The following ARMH3 variants were observed in gnomAD, a reference collection of about 807,000 sequenced individuals.
The protein encoded by ARMH3 is armadillo-like helical domain-containing protein 3.
A neutral mutation model predicts 99.1 loss-of-function variants in ARMH3; 60 were observed. That is an observed-to-expected ratio of 0.61 (90% confidence interval 0.49 to 0.75). The LOEUF is 0.75. Ranked by LOEUF, ARMH3 falls within the 30% of genes least tolerant of loss-of-function variation. The pLI, the probability that ARMH3 is intolerant of heterozygous loss-of-function variation, is 0.00. For missense variants in ARMH3, 679 were observed against 843.1 expected, an observed-to-expected ratio of 0.81 and a Z score of 2.41; for synonymous variants, 285 against 292.8, an observed-to-expected ratio of 0.97 and a Z score of 0.27.
intron 23 of ARMH3, among the ~76,000 whole-genome samples, chr10:101,931,529 A>G (rs1590041896): frequency 6.6e-6 from 1 of 152,118 alleles, no homozygotes. Flanking sequence ...GTCACAAAAA[A>G]AAAAAGCAGT....
intron 6 of ARMH3, among the ~76,000 whole-genome samples, chr10:102,024,746 G>A (rs566503102): frequency 1.3e-5 from 2 of 151,676 alleles, no homozygotes; most frequent in East Asian, 1.9e-4. Flanking sequence ...TTGAACCCAG[G>A]AGGCAGACGT....
chr10:101,994,528 G>C (rs1846965588), intron 16 of ARMH3, among the ~76,000 whole-genome samples: 1 of 152,192 alleles, frequency 6.6e-6, no homozygotes, highest in South Asian at 2.1e-4. Flanking sequence ...CTCAAGTTCT[G>C]CCATGCCTGT....
intron 23 of ARMH3, among the ~76,000 whole-genome samples, chr10:101,918,125 C>T (rs1200092685): frequency 2.0e-5 from 3 of 152,114 alleles, no homozygotes; most frequent in African/African-American, 4.8e-5. Flanking sequence ...CTTGGCTCGG[C>T]TGACTGCAAC....
At chr10:102,010,362 T>C (rs551503292) in intron 11 of ARMH3, among the ~76,000 whole-genome samples, 3 of 152,352 alleles carry the variant, frequency 2.0e-5, no homozygotes, top group Admixed American at 2.0e-4. Flanking sequence ...AACCTACACA[T>C]CTTCATCACT....
rs1050633676 is a variant in ARMH3, at chr10:101,853,110, C to G, written c.1861-3218G>C. Among the ~76,000 whole-genome samples, 4 of 148,604 alleles carry G rather than the reference C, an allele frequency of 2.7e-5. No homozygotes were observed. In the South Asian group the frequency reaches 8.5e-4, roughly 32 times the overall value. On this transcript the variant is annotated intron_variant, in intron 24 of 25. Coordinates refer to ENST00000370033, the MANE Select transcript of ARMH3 (RefSeq NM_024541.3). ...TTCATGATATTGGCTAGGCTGGTCT[C>G]GAACTCCTGATCTCAGGTGCTCCAC...
chr10:101,923,400 G>A (rs1036538905), intron 23 of ARMH3, among the ~76,000 whole-genome samples: 3 of 152,158 alleles, frequency 2.0e-5, no homozygotes, highest in Non-Finnish European at 2.9e-5. Context: ...TTAAAATGCT[G>A]CCTCAGTTTC....
intron 8 of ARMH3, among the ~76,000 whole-genome samples, chr10:102,014,820 G>A (rs1285659364): frequency 6.6e-6 from 1 of 152,112 alleles, no homozygotes; most frequent in Non-Finnish European, 1.5e-5. Flanking sequence ...AGGGGGATGA[G>A]AACCAATGAC....
At chr10:101,943,532 A>T (rs1844336593) in intron 22 of ARMH3, among the ~76,000 whole-genome samples, 1 of 152,188 alleles carries the variant, frequency 6.6e-6, no homozygotes. Context: ...ACATAATCAA[A>T]TTCCAGAATA....
intron 20 of ARMH3, among the ~76,000 whole-genome samples, chr10:101,962,765 C>T (rs1845352513): frequency 6.6e-6 from 1 of 152,084 alleles, no homozygotes; most frequent in African/African-American, 2.4e-5. Context: ...TCTGAACTCC[C>T]ACTGCTGAGG....
At chr10:101,915,800 C>CTTTTTT (rs781162716) in intron 23 of ARMH3, among the ~76,000 whole-genome samples, 3 of 130,860 alleles carry the variant, frequency 2.3e-5, no homozygotes, top group South Asian at 2.4e-4. Flanking sequence ...ATTGCAAGTC[C>CTTTTTT]TTTTTTTTTT....
chr10:101,862,087 A>G (rs2066888920), intron 24 of ARMH3, among the ~76,000 whole-genome samples: 1 of 149,700 alleles, frequency 6.7e-6, no homozygotes, highest in South Asian at 2.1e-4. Flanking sequence ...GTTCTTTGGC[A>G]GAAGGAAACT....
chr10:101,951,327 T>G (rs924917558), intron 22 of ARMH3, among the ~76,000 whole-genome samples: 1 of 152,146 alleles, frequency 6.6e-6, no homozygotes, highest in Non-Finnish European at 1.5e-5. Context: ...CCCAGAACTT[T>G]AGGAGGCCAA....
At chr10:101,867,514 C>T (rs1051242511) in intron 24 of ARMH3, among the ~76,000 whole-genome samples, 1 of 152,162 alleles carries the variant, frequency 6.6e-6, no homozygotes, top group African/African-American at 2.4e-5. Flanking sequence ...AGGATTACAA[C>T]ACTGAAGATG....
At chr10:101,892,499 T>TTG (rs1036397426) in intron 23 of ARMH3, among the ~76,000 whole-genome samples, 18 of 152,020 alleles carry the variant, frequency 1.2e-4, no homozygotes, top group African/African-American at 4.3e-4. Context: ...GTATGTGTGT[T>TTG]TGTGTGTGTG....
At chr10:101,973,683 A>T (rs1204985385) in intron 20 of ARMH3, among the ~76,000 whole-genome samples, 1 of 152,210 alleles carries the variant, frequency 6.6e-6, no homozygotes, top group Non-Finnish European at 1.5e-5. Flanking sequence ...CAGAGATCAC[A>T]GAGGCCAGAG....
chr10:102,041,319 A>G (rs138728147), intron 1 of ARMH3, among the ~76,000 whole-genome samples: 27 of 151,858 alleles, frequency 1.8e-4, no homozygotes, highest in African/African-American at 6.5e-4. Context: ...ATTATTAACA[A>G]ATTTCCTCTC....
intron 22 of ARMH3, among the ~76,000 whole-genome samples, chr10:101,940,291 T>C (rs1257202495): frequency 1.3e-5 from 2 of 152,214 alleles, no homozygotes; most frequent in Admixed American, 1.3e-4. Context: ...TGTTGCCATA[T>C]CTATCATTTC....
At chr10:101,992,497 A>T (rs1193090071) in intron 17 of ARMH3, among the ~76,000 whole-genome samples, 1 of 143,738 alleles carries the variant, frequency 7.0e-6, no homozygotes, top group Non-Finnish European at 1.5e-5. Context: ...CCTCAATGTA[A>T]TTTTTTTTTT....
chr10:101,860,663 T>G (rs2066845506), intron 24 of ARMH3, among the ~76,000 whole-genome samples: 1 of 152,172 alleles, frequency 6.6e-6, no homozygotes, highest in African/African-American at 2.4e-5. Flanking sequence ...AGACAAAAAT[T>G]ATCTGAGAAT....
Sources: allele counts gnomAD v4.1 joint callset (sites outside exome capture counted in the v4.1 genomes callset), GRCh38; gene constraint gnomAD v4.1.1; transcripts MANE v1.5; gene names NCBI Gene and HGNC (gene_info 2026-07-23, HGNC 2026-07-21).